Variants in SKOR2 observed in about 807,000 individuals in gnomAD.
SKOR2 encodes LBX1 corepressor 1-like protein.
Under a neutral mutation model 69.1 loss-of-function variants are expected in SKOR2, and 47 were observed. That is an observed-to-expected ratio of 0.68 (90% CI 0.54 to 0.87). The LOEUF (loss-of-function observed/expected upper bound fraction) is 0.87, where lower values mean the gene tolerates loss of function less well. Ranked by LOEUF, SKOR2 falls within the 40% of genes least tolerant of loss-of-function variation. SKOR2 has a pLI of 0.00. For missense variants in SKOR2, 1,404 were observed against 1,472.2 expected (o/e 0.95, Z 0.76); for synonymous variants, 717 against 672.6 (o/e 1.07, Z -1.02).
intron 8 of SKOR2, among the ~76,000 whole-genome samples, chr18:47,210,108 G>A (rs1034820129): frequency 1.3e-5 from 2 of 152,234 alleles, no homozygotes; most frequent in South Asian, 2.1e-4. Context: ...CCATTCTAAT[G>A]TATGAATCTC....
At chr18:47,246,480 T>G (rs559219479) in intron 2 of SKOR2, 91 bp downstream of exon 2, 1 of 1,354,442 alleles carries the variant, frequency 7.4e-7, no homozygotes, top group Non-Finnish European at 9.6e-7. Flanking sequence ...ATCTGGTGAT[T>G]CATCTTTCCT....
Position 47,232,148 on chromosome 18 carries a change from T to A in SKOR2, c.2753-1148A>T, listed in dbSNP as rs554755342. Reference sequence around the variant, plus strand: ...TGTCTCAAAAAAACAAATAAATAAATAAAATAAAAAGTAAAAAAAAATTAA... The same window carrying A: ...TGTCTCAAAAAAACAAATAAATAAAAAAAATAAAAAGTAAAAAAAAATTAA... On this transcript the variant is annotated intron_variant, in intron 4 of 8. Transcript: ENST00000425639. Among the ~76,000 whole-genome samples, 3 of 151,278 alleles carry A rather than the reference T, an allele frequency of 2.0e-5. No individual in the cohort carries two copies. The East Asian group carries it at 5.8e-4, about 29-fold the overall frequency.
chr18:47,215,447 A>G (rs1600025073), intron 7 of SKOR2, among the ~76,000 whole-genome samples: 1 of 152,244 alleles, frequency 6.6e-6, no homozygotes, highest in Non-Finnish European at 1.5e-5. Flanking sequence ...ATCCTAATGA[A>G]TATTGGAGAA....
chr18:47,226,247 G>T (rs1185598464), intron 6 of SKOR2, among the ~76,000 whole-genome samples: 1 of 152,210 alleles, frequency 6.6e-6, no homozygotes, highest in African/African-American at 2.4e-5. Flanking sequence ...AGATACAATT[G>T]CTGGGGAAGG....
chr18:47,249,617 G>A lies in SKOR2; in HGVS notation c.-47-387C>T, dbSNP rs150480380. Among the ~76,000 whole-genome samples, 9 of 152,282 alleles carry A rather than the reference G, an allele frequency of 5.9e-5. No individual in the cohort carries two copies. The East Asian group carries it at 1.2e-3, about 20-fold the overall frequency. ...ATAATAAAAGTTACGGAAAACTGGG[G>A]CTTGGCCATTGAAACCCAAATTTAA... On this transcript the variant is annotated intron_variant, in intron 1 of 8. Coordinates refer to ENST00000425639, the MANE Select transcript of SKOR2 (RefSeq NM_001278063.4).
rs2064286589 is a variant in SKOR2 at position 47,247,623 on chromosome 18, C to G, written c.1561G>C (p.Gly521Arg). The change falls in exon 2 of 9, where the codon GGG becomes CGG. Residue 521 changes from glycine (G) to arginine (R), a missense_variant. This residue lies in a region of SKOR2 where 1,266 missense variants were observed against 1,309.9 expected (regional missense o/e 0.97). Transcript: ENST00000425639. The surrounding 1 kb of genome is among the most constrained non-coding windows in gnomAD (Gnocchi z 6.6). ...LDLAEPGGAA[G>R]SAEAAPPPGQ... is the part of the protein sequence containing the mutation. Reference sequence around the variant, plus strand: ...GGCGGGGGCGCGGCCTCGGCGCTCCCAGCAGCACCGCCTGGCTCAGCCAGG... The same window carrying G: ...GGCGGGGGCGCGGCCTCGGCGCTCCGAGCAGCACCGCCTGGCTCAGCCAGG... The G allele has an allele frequency of 1.5e-6, 2 of 1,327,466 alleles. No homozygotes were observed. Among genetic ancestry groups the G allele is most frequent in the East Asian group, 3.2e-5 (1 of 31,660 alleles). The allele number at this position is 1,327,466 out of a possible 1,614,324, so 82.2% of individuals were successfully genotyped here. A position where few individuals can be genotyped will look rare whatever the true frequency, so the allele number is the denominator to read the frequency against.
intron 4 of SKOR2, among the ~76,000 whole-genome samples, chr18:47,237,699 C>CT (rs398041372): frequency 0.028 from 3,720 of 134,518 alleles, 130 homozygotes; most frequent in East Asian, 0.18. Flanking sequence ...TTTTCTTTTT[C>CT]TTTTTTTTTT....
rs1341166096 is a variant in SKOR2, at chr18:47,247,434, C to G, written c.1750G>C (p.Gly584Arg). The G allele has an allele frequency of 3.1e-6, 4 of 1,280,654 alleles. No homozygotes were observed. Among genetic ancestry groups the G allele is most frequent in the Admixed American group, 4.2e-5 (1 of 23,552 alleles). The allele number at this position is 1,280,654 out of a possible 1,614,324, so 79.3% of individuals were successfully genotyped here. ...TPPADSVAAA[G>R]AGAAAAGSGP... ...GACCCGGCGGCCGCGGCCCCTGCCC[C>G]GGCAGCTGCCACAGAGTCCGCGGGC... Residue 584 changes from glycine (G) to arginine (R), a missense_variant, in exon 2 of 9, where the codon GGG (glycine) becomes CGG (arginine). Physicochemically the swap from Gly to Arg is moderately radical, Grantham distance 125 (BLOSUM62 -2). Coordinates refer to ENST00000425639, the MANE Select transcript of SKOR2 (RefSeq NM_001278063.4). The surrounding 1 kb of genome is among the most constrained non-coding windows in gnomAD (Gnocchi z 6.6).
chr18:47,247,971 A>G lies in SKOR2; in HGVS notation c.1213T>C (p.Phe405Leu). The change falls in exon 2 of 9, where the codon TTC (phenylalanine) becomes CTC (leucine). Residue 405 changes from phenylalanine to leucine, a missense_variant. This residue lies in a region of SKOR2 where 1,266 missense variants were observed against 1,309.9 expected (regional missense o/e 0.97). Coordinates refer to ENST00000425639, the MANE Select transcript of SKOR2 (RefSeq NM_001278063.4). This position sits in a 1 kb window ranked among gnomAD's most constrained non-coding sequence, Gnocchi z 6.6. ...GCAGGGAAGGTGTAGGGGTGCGGGA[A>G]GAGCCCGCCGCAGCCCGGGAACTTC... is the stretch of plus-strand genomic sequence containing the variant. ...LQKFPGCGGL[F>L]PHPYTFPAAA... 7.3e-7 allele frequency: 1 copy of G among 1,376,020 alleles called. No individual in the cohort carries two copies. The highest frequency in any genetic ancestry group is 1.7e-5 in the South Asian group (1 of 59,186). The allele number at this position is 1,376,020 out of a possible 1,614,324, so 85.2% of individuals were successfully genotyped here.
At chr18:47,207,188 T>C (rs1225201113) in intron 8 of SKOR2, among the ~76,000 whole-genome samples, 1 of 152,156 alleles carries the variant, frequency 6.6e-6, no homozygotes, top group Non-Finnish European at 1.5e-5. Context: ...TTTCATGCTC[T>C]GGTGCTCTGC....
chr18:47,210,077 C>T (rs377739362), intron 8 of SKOR2, among the ~76,000 whole-genome samples: 10 of 152,058 alleles, frequency 6.6e-5, no homozygotes, highest in African/African-American at 2.4e-4. Flanking sequence ...GACCCTGTCT[C>T]AAAACAAAAC....
At chr18:47,207,295 C>A (rs1425985776) in intron 8 of SKOR2, among the ~76,000 whole-genome samples, 5 of 152,048 alleles carry the variant, frequency 3.3e-5, no homozygotes, top group African/African-American at 1.2e-4. Context: ...GATTCAAAAT[C>A]AATAAAATGA....
rs1183257276 is a variant in SKOR2, at chr18:47,247,507, C to T, written c.1677G>A (p.Glu559=). The change falls in exon 2 of 9, where the codon GAG becomes GAA. Residue 559 remains glutamate, a synonymous_variant. Coordinates refer to ENST00000425639, the MANE Select transcript of SKOR2 (RefSeq NM_001278063.4). The surrounding 1 kb of genome is among the most constrained non-coding windows in gnomAD (Gnocchi z 6.6). ...CCCCGCCGCTGCCGCCCGGGGGCGA[C>T]TCGAAGAGCGCGTCGCGAGAGCCGG... ...GGAGSRDALF[E]SPPGGSGGDC... 9 of 1,210,394 alleles carry T rather than the reference C, an allele frequency of 7.4e-6. No homozygotes were observed. Among genetic ancestry groups the T allele is most frequent in the Non-Finnish European group, 9.2e-6 (9 of 975,310 alleles). The allele number at this position is 1,210,394 out of a possible 1,614,324, so 75.0% of individuals were successfully genotyped here.
rs1207987112 is a variant in SKOR2, at chr18:47,248,416, G to C, written c.768C>G (p.Leu256=). ...CCACGGCGGCCGCCTTCACAGAGCT[G>C]AGCGGGTGGCAGGCGGGGTGCGCGC... ...QPGAHPACHP[L]SSVKAAAVAA... The change falls in exon 2 of 9, where the codon CTC becomes CTG. Residue 256 remains leucine (L), a synonymous_variant. Coordinates refer to ENST00000425639, the MANE Select transcript of SKOR2 (RefSeq NM_001278063.4). The surrounding 1 kb of genome is among the most constrained non-coding windows in gnomAD (Gnocchi z 6.4). 1 of 1,530,252 alleles carries C rather than the reference G, an allele frequency of 6.5e-7. No homozygotes were observed. The highest frequency in any genetic ancestry group is 8.7e-7 in the Non-Finnish European group (1 of 1,143,656). The allele number at this position is 1,530,252 out of a possible 1,614,324, so 94.8% of individuals were successfully genotyped here.
intron 2 of SKOR2, 75 bp from the exon 3 acceptor site, chr18:47,245,636 A>G (rs1043958340): frequency 2.9e-6 from 4 of 1,363,672 alleles, no homozygotes; most frequent in Admixed American, 2.9e-5. Flanking sequence ...GTCAGCAGGA[A>G]GAAGCATCAA....
chr18:47,210,937 C>T (rs1270011631), intron 8 of SKOR2, among the ~76,000 whole-genome samples: 3 of 152,058 alleles, frequency 2.0e-5, no homozygotes, highest in African/African-American at 7.2e-5. Flanking sequence ...AACCTCAGTT[C>T]CCCATGTGTA....
At position 47,247,357 on chromosome 18, in the gene SKOR2, C is replaced by G; in HGVS notation, c.1827G>C (p.Glu609Asp). ...VPAPHHPHLL[E>D]GRKAGGGSYH... The stretch of plus-strand genomic sequence containing the variant: ...AGCTGCCACCGCCCGCTTTGCGCCC[C>G]TCCAGAAGGTGCGGATGGTGGGGCG... Residue 609 changes from glutamate to aspartate, a missense_variant, in exon 2 of 9, where the codon GAG (glutamate) becomes GAC (aspartate). Glu to Asp is a conservative substitution (Grantham distance 45). Transcript: ENST00000425639. This position sits in a 1 kb window ranked among gnomAD's most constrained non-coding sequence, Gnocchi z 6.6. 6.8e-7 allele frequency: 1 copy of G among 1,462,170 alleles called. No individual in the cohort carries two copies. Among genetic ancestry groups the G allele is most frequent in the Non-Finnish European group, 9.0e-7 (1 of 1,112,188 alleles). The allele number at this position is 1,462,170 out of a possible 1,614,324, so 90.6% of individuals were successfully genotyped here.
intron 7 of SKOR2, among the ~76,000 whole-genome samples, chr18:47,217,335 C>T (rs1233104461): frequency 6.6e-6 from 1 of 152,168 alleles, no homozygotes; most frequent in Non-Finnish European, 1.5e-5. Context: ...TAGGTTAAAC[C>T]TTATAGCCGT....
chr18:47,217,108 T>C (rs1236337018), intron 7 of SKOR2, among the ~76,000 whole-genome samples: 1 of 152,208 alleles, frequency 6.6e-6, no homozygotes, highest in African/African-American at 2.4e-5. Flanking sequence ...CTAAAGCAGA[T>C]AGTACCATGT....
Sources: allele counts gnomAD v4.1 joint callset (sites outside exome capture counted in the v4.1 genomes callset), GRCh38; gene constraint gnomAD v4.1.1; regional missense constraint gnomAD v4.1.1; non-coding constraint Gnocchi (gnomAD v3.1); transcripts MANE v1.5; gene names NCBI Gene and HGNC (gene_info 2026-07-23, HGNC 2026-07-21).